The following FILIP1L variants were observed in gnomAD, a reference collection of about 807,000 sequenced individuals.
FILIP1L encodes filamin A interacting protein 1 like, also known as filamin A-interacting protein 1-like.
Under a neutral mutation model 96.6 loss-of-function variants are expected in FILIP1L, and 55 were observed. The ratio of observed to expected loss-of-function variants is 0.57; its 90% CI spans 0.46 to 0.71. The LOEUF (loss-of-function observed/expected upper bound fraction) is 0.71, where lower values mean the gene tolerates loss of function less well. Among genes scored for constraint, FILIP1L ranks in the 30% least tolerant of loss-of-function variants. FILIP1L has a pLI of 0.00. For missense variants in FILIP1L, 1,304 were observed against 1,321.2 expected (o/e 0.99, Z 0.20); for synonymous variants, 467 against 473.9 (o/e 0.99, Z 0.19).
intron 4 of FILIP1L, among the ~76,000 whole-genome samples, chr3:99,912,501 C>G (rs1398172393): frequency 2.0e-5 from 3 of 152,146 alleles, no homozygotes. Context: ...CCTCAGCCGC[C>G]CAGGTAGCTG....
At chr3:99,901,573 A>G (rs1706437575) in intron 4 of FILIP1L, among the ~76,000 whole-genome samples, 1 of 152,226 alleles carries the variant, frequency 6.6e-6, no homozygotes, top group African/African-American at 2.4e-5. Context: ...ATCAAGGCCT[A>G]TGATTTGTGC....
rs117149127 is a variant in FILIP1L at position 99,981,635 on chromosome 3, A to G, written c.-10-50605T>C. ...ATGAATCCCCGTTTTGCAAGTGGAA[A>G]ATTGACAGTTTCAATAACTTGTCCA... On this transcript the variant is annotated intron_variant, in intron 1 of 5. Transcript: ENST00000477258. Among the ~76,000 whole-genome samples the G allele has an allele frequency of 3.9e-4, 60 of 152,328 alleles. No individual in the cohort carries two copies. In the East Asian group the frequency reaches 9.3e-3, roughly 24 times the overall value.
chr3:99,991,262 A>T (rs1709502715), intron 1 of FILIP1L, among the ~76,000 whole-genome samples: 1 of 152,186 alleles, frequency 6.6e-6, no homozygotes, highest in Admixed American at 6.5e-5. Flanking sequence ...CAAATGGCTG[A>T]TCTACCTGTT....
At chr3:99,851,759 C>T (rs887743522) in intron 4 of FILIP1L, among the ~76,000 whole-genome samples, 10 of 152,212 alleles carry the variant, frequency 6.6e-5, no homozygotes, top group Non-Finnish European at 1.3e-4. Flanking sequence ...AAGTTATGCA[C>T]TTCACTGATA....
intron 4 of FILIP1L, among the ~76,000 whole-genome samples, chr3:99,889,221 A>G (rs1284192848): frequency 6.6e-6 from 1 of 152,088 alleles, no homozygotes; most frequent in African/African-American, 2.4e-5. Flanking sequence ...TCCCACTGTG[A>G]TGATGGATTA....
chr3:99,955,542 C>T (rs1708297054), intron 1 of FILIP1L, among the ~76,000 whole-genome samples: 2 of 152,112 alleles, frequency 1.3e-5, no homozygotes, highest in Non-Finnish European at 2.9e-5. Flanking sequence ...CCCAGCAATG[C>T]TTGAGAACTC....
intron 1 of FILIP1L, among the ~76,000 whole-genome samples, chr3:100,074,666 C>T (rs1261932282): frequency 2.8e-5 from 2 of 72,470 alleles, no homozygotes; most frequent in African/African-American, 1.0e-4. Flanking sequence ...TATGCATGTG[C>T]AACATTTGAT....
chr3:99,830,780 G>A (rs916261494), intron 5 of FILIP1L, among the ~76,000 whole-genome samples, 175 bp from the exon 6 acceptor site: 3 of 152,164 alleles, frequency 2.0e-5, no homozygotes, highest in African/African-American at 7.2e-5. Flanking sequence ...AAGTAATCTG[G>A]TGTGTGTTGA....
intron 5 of FILIP1L, among the ~76,000 whole-genome samples, chr3:99,838,267 G>A (rs542664736): frequency 1.3e-5 from 2 of 152,168 alleles, no homozygotes; most frequent in Non-Finnish European, 2.9e-5. Context: ...CTGCCCATTT[G>A]TGTGGGGCTT....
At chr3:99,833,087 G>T in intron 5 of FILIP1L, 2 of 694,324 alleles carry the variant, frequency 2.9e-6, no homozygotes, top group Non-Finnish European at 5.1e-6. Context: ...AGGCTCCTGG[G>T]TTTCATCAAA....
intron 1 of FILIP1L, among the ~76,000 whole-genome samples, chr3:99,971,265 G>A (rs748945738): frequency 1.3e-5 from 2 of 151,868 alleles, no homozygotes; most frequent in African/African-American, 4.8e-5. Context: ...GCGTGAACCC[G>A]GGGCGCGGAG....
rs1383117168 is a variant in FILIP1L, at chr3:99,929,991, T to G, written c.291A>C (p.Lys97Asn). Residue 97 changes from lysine to asparagine, a missense_variant, in exon 3 of 6, where the codon AAA becomes AAC. Coordinates refer to ENST00000477258, the MANE Select transcript of FILIP1L (RefSeq NM_001387850.1). ...DEVIGILKAE[K>N]MDLALLEAQY... is the part of the protein sequence containing the mutation. ...GAGCTTCCAGCAAAGCCAGGTCCAT[T>G]TTTTCAGCCTTTAAAATGCCTATGA... 3 of 1,613,786 alleles carry G rather than the reference T, an allele frequency of 1.9e-6. No homozygotes were observed. Among genetic ancestry groups the G allele is most frequent in the Non-Finnish European group, 2.5e-6 (3 of 1,179,888 alleles).
At chr3:100,067,013 C>A (rs1249318110) in intron 1 of FILIP1L, among the ~76,000 whole-genome samples, 5 of 152,220 alleles carry the variant, frequency 3.3e-5, no homozygotes, top group East Asian at 1.9e-4. Flanking sequence ...GAGTGAGATT[C>A]CTCAGTCAAG....
intron 1 of FILIP1L, among the ~76,000 whole-genome samples, chr3:100,099,754 A>T (rs2066272920): frequency 1.3e-5 from 2 of 152,194 alleles, no homozygotes; most frequent in Admixed American, 1.3e-4. Context: ...CTCTCATAAG[A>T]TATGTTCTGT....
intron 4 of FILIP1L, among the ~76,000 whole-genome samples, chr3:99,861,879 CA>C (rs1484841042): frequency 2.6e-5 from 4 of 152,146 alleles, no homozygotes; most frequent in Non-Finnish European, 4.4e-5. Context: ...GTGACTTGAG[CA>C]AGCAATTTAA....
intron 4 of FILIP1L, among the ~76,000 whole-genome samples, chr3:99,884,919 A>T (rs1705844504): frequency 6.6e-6 from 1 of 152,144 alleles, no homozygotes; most frequent in African/African-American, 2.4e-5. Context: ...AGGTTTCTTT[A>T]CTTCCTTGAC....
At chr3:99,918,128 G>T (rs995750368) in intron 4 of FILIP1L, among the ~76,000 whole-genome samples, 1 of 151,816 alleles carries the variant, frequency 6.6e-6, no homozygotes, top group Non-Finnish European at 1.5e-5. Flanking sequence ...CAGGCGCGCG[G>T]CACCACGCCC....
chr3:99,986,773 T>C (rs1709354225), intron 1 of FILIP1L, among the ~76,000 whole-genome samples: 2 of 152,118 alleles, frequency 1.3e-5, no homozygotes, highest in Non-Finnish European at 2.9e-5. Flanking sequence ...TAGGAAGTAT[T>C]ATGGCATCTA....
At chr3:100,113,029 C>CT (rs2066516180) in intron 1 of FILIP1L, among the ~76,000 whole-genome samples, 2 of 152,272 alleles carry the variant, frequency 1.3e-5, no homozygotes, top group South Asian at 4.1e-4. Context: ...CCATGTTCTC[C>CT]TTTATGCATA....
Sources: allele counts gnomAD v4.1 joint callset (sites outside exome capture counted in the v4.1 genomes callset), GRCh38; gene constraint gnomAD v4.1.1; transcripts MANE v1.5; gene names NCBI Gene and HGNC (gene_info 2026-07-23, HGNC 2026-07-21).